Variants in DACH1 observed in about 807,000 individuals in gnomAD.
DACH1 encodes the protein dachshund family transcription factor 1.
DACH1 carries 12 observed loss-of-function variants against 54.2 expected under a neutral mutation model. That is an observed-to-expected ratio of 0.22 (90% CI 0.14 to 0.36). The LOEUF is 0.36. Among genes scored for constraint, DACH1 ranks in the 10% least tolerant of loss-of-function variants. The pLI, the probability that DACH1 is intolerant of heterozygous loss-of-function variation, is 1.00. For synonymous variants in DACH1, 386 were observed against 366.2 expected (o/e 1.05, Z -0.62); for missense variants, 805 against 929.8 (o/e 0.87, Z 1.75).
intron 6 of DACH1, among the ~76,000 whole-genome samples, chr13:71,518,110 C>G (rs1881296662): frequency 6.6e-6 from 1 of 151,578 alleles, no homozygotes; most frequent in Non-Finnish European, 1.5e-5. Context: ...GAAATATGTC[C>G]CTTCAAATTG....
intron 2 of DACH1, among the ~76,000 whole-genome samples, chr13:71,673,448 T>C (rs1880328369): frequency 1.3e-5 from 2 of 152,248 alleles, no homozygotes; most frequent in South Asian, 4.1e-4. Context: ...TATTAAATTA[T>C]ATATCAAGAT....
chr13:71,756,324 T>C (rs1323385221), intron 1 of DACH1, among the ~76,000 whole-genome samples: 1 of 152,090 alleles, frequency 6.6e-6, no homozygotes, highest in Non-Finnish European at 1.5e-5. Flanking sequence ...ATTACCTAAG[T>C]GTGAGCCACC....
intron 1 of DACH1, among the ~76,000 whole-genome samples, chr13:71,710,167 G>A (rs1340881543): frequency 2.0e-5 from 3 of 151,680 alleles, no homozygotes; most frequent in Non-Finnish European, 4.4e-5. Context: ...GTCTGAAGAG[G>A]GATTGAAAAG....
At chr13:71,493,632 G>A (rs373937396) in intron 6 of DACH1, among the ~76,000 whole-genome samples, 3 of 152,046 alleles carry the variant, frequency 2.0e-5, no homozygotes, top group African/African-American at 4.8e-5. Context: ...TGCTTTGGAC[G>A]TGGAACAACT....
At chr13:71,592,526 A>G (rs942273955) in intron 3 of DACH1, among the ~76,000 whole-genome samples, 9 of 150,678 alleles carry the variant, frequency 6.0e-5, no homozygotes, top group African/African-American at 2.2e-4. Context: ...AAGAAAAGAA[A>G]AAAAGAAAAG....
intron 1 of DACH1, among the ~76,000 whole-genome samples, chr13:71,840,179 C>T (rs898155343): frequency 1.3e-5 from 2 of 152,004 alleles, no homozygotes; most frequent in Non-Finnish European, 2.9e-5. Flanking sequence ...AACTCCTGGC[C>T]TCAAGTGATC....
intron 3 of DACH1, among the ~76,000 whole-genome samples, chr13:71,610,123 G>T (rs1014789975): frequency 6.6e-6 from 1 of 152,070 alleles, no homozygotes; most frequent in Non-Finnish European, 1.5e-5. Flanking sequence ...TGTTTGCAGT[G>T]GATGTGGTCA....
At chr13:71,723,478 T>C (rs1883323697) in intron 1 of DACH1, among the ~76,000 whole-genome samples, 1 of 152,156 alleles carries the variant, frequency 6.6e-6, no homozygotes, top group Non-Finnish European at 1.5e-5. Flanking sequence ...TTTGGCATTA[T>C]GTTTTAAGAT....
intron 6 of DACH1, among the ~76,000 whole-genome samples, chr13:71,522,371 T>C (rs914118445): frequency 2.6e-5 from 4 of 151,990 alleles, no homozygotes; most frequent in African/African-American, 4.8e-5. Context: ...CCTGAGGTTC[T>C]GCTGCAGCCC....
intron 6 of DACH1, among the ~76,000 whole-genome samples, chr13:71,506,709 T>A (rs1880357029): frequency 6.6e-6 from 1 of 152,050 alleles, no homozygotes; most frequent in Admixed American, 6.6e-5. Context: ...AAAACAGAGA[T>A]ATTGATCAAT....
rs141125520 is a variant in DACH1 at position 71,533,769 on chromosome 13, AAC to A, written c.1570+23253_1570+23254del. Among the ~76,000 whole-genome samples the A allele has an allele frequency of 9.9e-3, 1,461 of 147,892 alleles. 9 individuals carry two copies. Among genetic ancestry groups the A allele is most frequent in the African/African-American group, 0.016 (638 of 40,656 alleles). On this transcript the variant is annotated intron_variant, in intron 6 of 10. Transcript: ENST00000613252. ...TCTCTGAGTGTGTGTCACACACACAAACACACACACACACACACACACTTTAC... is the reference window on the plus strand; with the variant it reads ...TCTCTGAGTGTGTGTCACACACACAAACACACACACACACACACACTTTAC...
chr13:71,849,853 T>G (rs2138261022), intron 1 of DACH1, among the ~76,000 whole-genome samples: 1 of 152,352 alleles, frequency 6.6e-6, no homozygotes, highest in African/African-American at 2.4e-5. Context: ...TATTTTTTGT[T>G]TATTTAACTA....
intron 7 of DACH1, among the ~76,000 whole-genome samples, chr13:71,487,587 T>C (rs1398632315): frequency 6.6e-6 from 1 of 152,206 alleles, no homozygotes; most frequent in East Asian, 1.9e-4. Context: ...TCAAACCTGC[T>C]CTTCAGATGA....
chr13:71,755,628 T>C (rs373142011), intron 1 of DACH1, among the ~76,000 whole-genome samples: 1 of 152,232 alleles, frequency 6.6e-6, no homozygotes, highest in South Asian at 2.1e-4. Flanking sequence ...TCCTAACTTT[T>C]AATTCAGTAC....
chr13:71,626,208 T>A lies in DACH1; in HGVS notation c.1126+4348A>T, dbSNP rs148038737. ...GTCATTAAGGAAGGGAGTAAGATAC[T>A]AGGTTTAGCAAGTATTTAAATAACA... On this transcript the variant is annotated intron_variant, in intron 3 of 10. Coordinates refer to ENST00000613252, the MANE Select transcript of DACH1 (RefSeq NM_080759.6). Among the ~76,000 whole-genome samples the A allele has an allele frequency of 6.3e-3, 963 of 152,078 alleles. 12 individuals are homozygous for A. Among genetic ancestry groups the A allele is most frequent in the African/African-American group, 0.022 (903 of 41,514 alleles).
intron 6 of DACH1, among the ~76,000 whole-genome samples, chr13:71,495,572 C>G (rs1002085873): frequency 6.6e-6 from 1 of 151,934 alleles, no homozygotes; most frequent in African/African-American, 2.4e-5. Flanking sequence ...CAATTGTAAC[C>G]TCAGTACTGA....
intron 1 of DACH1, among the ~76,000 whole-genome samples, chr13:71,740,307 C>T (rs1053169735): frequency 2.0e-5 from 3 of 150,738 alleles, no homozygotes; most frequent in Non-Finnish European, 4.4e-5. Context: ...AGAATTCACT[C>T]TAAAACAAAA....
chr13:71,651,104 C>T (rs1878633016), intron 2 of DACH1, among the ~76,000 whole-genome samples: 1 of 152,130 alleles, frequency 6.6e-6, no homozygotes, highest in Non-Finnish European at 1.5e-5. Flanking sequence ...TACTAAAAGA[C>T]ATACAATTGC....
intron 1 of DACH1, among the ~76,000 whole-genome samples, chr13:71,857,760 GATA>G (rs1234365498): frequency 1.3e-5 from 2 of 151,522 alleles, no homozygotes; most frequent in Admixed American, 1.3e-4. Flanking sequence ...AACTCAAGAA[GATA>G]ATATCATTTT....
Sources: gnomAD v4.1 joint callset for allele counts (sites outside exome capture counted in the v4.1 genomes callset) on GRCh38, gnomAD v4.1.1 for gene constraint, MANE v1.5 for transcripts, NCBI Gene and HGNC (gene_info 2026-07-23, HGNC 2026-07-21) for gene names.